Variants in TENM4 observed in about 807,000 individuals in gnomAD.
TENM4 encodes teneurin transmembrane protein 4.
TENM4 carries 82 observed loss-of-function variants against 243.3 expected under a neutral mutation model. The observed-to-expected ratio is 0.34, with a 90% CI of 0.28 to 0.40. The LOEUF (loss-of-function observed/expected upper bound fraction) is 0.40, where lower values mean the gene tolerates loss of function less well. TENM4 is among the 10% of genes least tolerant of loss of function. The pLI, the probability that TENM4 is intolerant of heterozygous loss-of-function variation, is 1.00. For synonymous variants in TENM4, 1,412 were observed against 1,456.3 expected (o/e 0.97, Z 0.69); for missense variants, 3,138 against 3,673.3 (o/e 0.85, Z 3.77).
chr11:79,203,442 C>CA (rs1309245838), intron 3 of TENM4, among the ~76,000 whole-genome samples: 1 of 152,228 alleles, frequency 6.6e-6, no homozygotes, highest in Non-Finnish European at 1.5e-5. Flanking sequence ...CCTTTATCCA[C>CA]AGAGGATACA....
intron 6 of TENM4, among the ~76,000 whole-genome samples, chr11:79,018,069 G>A (rs1476268463): frequency 1.3e-5 from 2 of 152,110 alleles, no homozygotes; most frequent in African/African-American, 4.8e-5. Flanking sequence ...AGGGCTGGGG[G>A]ATGAGGGCTG....
chr11:78,840,060 A>T (rs1305033445), intron 12 of TENM4, among the ~76,000 whole-genome samples: 1 of 152,236 alleles, frequency 6.6e-6, no homozygotes, highest in Non-Finnish European at 1.5e-5. Flanking sequence ...AATTGTGCTT[A>T]GGGTAATATT....
intron 12 of TENM4, among the ~76,000 whole-genome samples, chr11:78,837,329 G>A (rs1172957596): frequency 1.3e-5 from 2 of 152,156 alleles, no homozygotes; most frequent in African/African-American, 2.4e-5. Context: ...AAGATGTGCT[G>A]TTTGCTGTTT....
chr11:78,774,680 A>C (rs576829065), intron 17 of TENM4, among the ~76,000 whole-genome samples: 3 of 152,318 alleles, frequency 2.0e-5, no homozygotes, highest in South Asian at 2.1e-4. Flanking sequence ...GAGTTGGGAA[A>C]GTTACTTTCT....
intron 6 of TENM4, among the ~76,000 whole-genome samples, chr11:78,997,318 C>T (rs949072963): frequency 3.9e-5 from 6 of 152,196 alleles, no homozygotes; most frequent in Admixed American, 3.9e-4. Flanking sequence ...TCCCATCAGT[C>T]TCCAAAGTTT....
chr11:79,181,501 T>C (rs983522530), intron 3 of TENM4, among the ~76,000 whole-genome samples: 67 of 152,100 alleles, frequency 4.4e-4, no homozygotes, highest in African/African-American at 1.5e-3. Flanking sequence ...GGAGAGAAAT[T>C]CAAAGCTTTT....
chr11:78,805,279 C>G lies in TENM4; in HGVS notation c.2179+13G>C. On this transcript the variant is annotated intron_variant, in intron 15 of 33. Transcript: ENST00000278550. ...CCTCCCTCTACCCATGCTTCTTCTC[C>G]CCCTGCATTTACCGATAGAACAGTC... is the stretch of plus-strand genomic sequence containing the variant. 1.3e-6 allele frequency: 2 copies of G among 1,512,294 alleles called. No individual in the cohort carries two copies. The highest frequency in any genetic ancestry group is 1.8e-6 in the Non-Finnish European group (2 of 1,116,994). The allele number at this position is 1,512,294 out of a possible 1,614,324, so 93.7% of individuals were successfully genotyped here.
At chr11:78,941,770 G>C (rs2136457902) in intron 6 of TENM4, among the ~76,000 whole-genome samples, 1 of 152,336 alleles carries the variant, frequency 6.6e-6, no homozygotes, top group Admixed American at 6.5e-5. Context: ...AGCTGTCCCT[G>C]AAATGGGCAG....
At chr11:79,170,925 G>C (rs762903890) in intron 3 of TENM4, among the ~76,000 whole-genome samples, 15 of 152,100 alleles carry the variant, frequency 9.9e-5, no homozygotes, top group Non-Finnish European at 1.8e-4. Context: ...CTAGGGAAAG[G>C]GATCATAAGA....
At chr11:79,164,087 CTATGT>C (rs1862836660) in intron 3 of TENM4, among the ~76,000 whole-genome samples, 1 of 106,958 alleles carries the variant, frequency 9.3e-6, no homozygotes, top group African/African-American at 3.9e-5. Context: ...ACTATATATA[CTATGT>C]ATATATAGTA....
chr11:78,890,725 G>C (rs374115673), intron 8 of TENM4, among the ~76,000 whole-genome samples: 23 of 152,314 alleles, frequency 1.5e-4, no homozygotes, highest in Middle Eastern at 3.4e-3. Flanking sequence ...CTAGTCATGA[G>C]GGCAGCGGGG....
intron 6 of TENM4, among the ~76,000 whole-genome samples, chr11:78,998,028 CA>C (rs1384098749): frequency 1.3e-5 from 2 of 152,168 alleles, no homozygotes; most frequent in African/African-American, 4.8e-5. Flanking sequence ...ATGCCCTCAC[CA>C]AAAACCAAAT....
chr11:78,702,015 T>A lies in TENM4; in HGVS notation c.4598A>T (p.Asp1533Val). 1 of 1,613,960 alleles carries A rather than the reference T, an allele frequency of 6.2e-7. No homozygotes were observed. The highest frequency in any genetic ancestry group is 1.1e-5 in the South Asian group (1 of 91,080). ...GGAAGATGGGGTATTTAACTTTGCA[T>A]CCTTGGCATAACCATCGTCTCCAGA... ...CFSGDDGYAK[D>V]AKLNTPSSLA... Residue 1533 changes from aspartate (D) to valine (V), a missense_variant, in exon 28 of 34, where the codon GAT (aspartate) becomes GTT (valine). This residue lies in a region of TENM4 where 2,467 missense variants were observed against 3,059.1 expected (regional missense o/e 0.81). Coordinates refer to ENST00000278550, the MANE Select transcript of TENM4 (RefSeq NM_001098816.3).
chr11:79,317,252 G>A (rs765544780), intron 1 of TENM4, among the ~76,000 whole-genome samples: 43 of 152,178 alleles, frequency 2.8e-4, no homozygotes, highest in Non-Finnish European at 5.4e-4. Context: ...GTATCCAAAC[G>A]TGTTTGTTCT....
intron 1 of TENM4, among the ~76,000 whole-genome samples, chr11:79,368,330 T>C (rs1857716047): frequency 6.6e-6 from 1 of 152,264 alleles, no homozygotes; most frequent in Non-Finnish European, 1.5e-5. Context: ...TTAGCATTTG[T>C]GATCCTGGGC....
chr11:79,420,682 T>G (rs549528177), intron 1 of TENM4, among the ~76,000 whole-genome samples: 10 of 152,204 alleles, frequency 6.6e-5, no homozygotes, highest in African/African-American at 1.2e-4. Context: ...CAGTTTTTTT[T>G]TGGGGGGTGG....
intron 32 of TENM4, among the ~76,000 whole-genome samples, chr11:78,665,241 C>G (rs1858128035): frequency 7.0e-6 from 1 of 143,144 alleles, no homozygotes; most frequent in Admixed American, 7.0e-5. Flanking sequence ...TTTTCTTTCT[C>G]TCTTTCTTTT....
intron 2 of TENM4, among the ~76,000 whole-genome samples, chr11:79,289,690 A>T (rs781437336): frequency 1.8e-4 from 28 of 152,184 alleles, no homozygotes; most frequent in South Asian, 4.1e-4. Flanking sequence ...TCTGTCCTAG[A>T]GTCTGGTTCT....
intron 27 of TENM4, among the ~76,000 whole-genome samples, chr11:78,704,042 C>G (rs376639335): frequency 6.9e-6 from 1 of 144,870 alleles, no homozygotes; most frequent in African/African-American, 2.7e-5. Flanking sequence ...TATACACACA[C>G]ACACACACAC....
Sources: gnomAD v4.1 joint callset for allele counts (sites outside exome capture counted in the v4.1 genomes callset) on GRCh38, gnomAD v4.1.1 for gene constraint, gnomAD v4.1.1 regional missense constraint, MANE v1.5 for transcripts, NCBI Gene and HGNC (gene_info 2026-07-23, HGNC 2026-07-21) for gene names.